GABRB1: variants seen among roughly 807,000 people sequenced by gnomAD.
GABRB1 encodes gamma-aminobutyric acid receptor subunit beta-1.
A neutral mutation model predicts 51.6 loss-of-function variants in GABRB1; 17 were observed. That is an observed-to-expected ratio of 0.33 (90% CI 0.23 to 0.49). GABRB1 has a LOEUF of 0.49. GABRB1 is among the 20% of genes least tolerant of loss of function. The pLI is 0.99. For missense variants in GABRB1, 410 were observed against 600.6 expected (o/e 0.68, Z 3.32); for synonymous variants, 247 against 218.9 (o/e 1.13, Z -1.14).
chr4:47,204,027 A>G (rs961496315), intron 4 of GABRB1, among the ~76,000 whole-genome samples: 2 of 152,214 alleles, frequency 1.3e-5, no homozygotes, highest in East Asian at 3.9e-4. Flanking sequence ...CTGAAATTAC[A>G]GTTGCAGAAG....
chr4:47,174,048 T>G (rs1281187415), intron 4 of GABRB1, among the ~76,000 whole-genome samples: 1 of 151,788 alleles, frequency 6.6e-6, no homozygotes, highest in Non-Finnish European at 1.5e-5. Context: ...CCCTTTTTTG[T>G]TTTTTTTGTT....
chr4:47,302,376 GA>G (rs536264248), intron 4 of GABRB1, among the ~76,000 whole-genome samples: 144 of 151,890 alleles, frequency 9.5e-4, no homozygotes, highest in African/African-American at 3.3e-3. Flanking sequence ...ATTTTTATTA[GA>G]AAAACCTTCT....
intron 4 of GABRB1, among the ~76,000 whole-genome samples, chr4:47,242,050 C>T (rs894618920): frequency 3.3e-5 from 5 of 151,768 alleles, no homozygotes; most frequent in African/African-American, 7.3e-5. Flanking sequence ...ACCCACCCCA[C>T]GACAGGCCCC....
intron 4 of GABRB1, among the ~76,000 whole-genome samples, chr4:47,236,734 CCTGGT>C (rs1721347472): frequency 6.6e-6 from 1 of 152,106 alleles, no homozygotes; most frequent in Non-Finnish European, 1.5e-5. Context: ...AATGTTCAAT[CCTGGT>C]GAGCCCATGC....
intron 1 of GABRB1, among the ~76,000 whole-genome samples, chr4:47,013,233 G>T (rs1403089872): frequency 6.6e-6 from 1 of 151,820 alleles, no homozygotes; most frequent in Non-Finnish European, 1.5e-5. Flanking sequence ...AATAATTTGT[G>T]TTCCCATCTC....
intron 4 of GABRB1, among the ~76,000 whole-genome samples, chr4:47,171,496 TCAAATTTAGTATTTTAGTACCACTTCCA>T (rs1560569855): frequency 6.6e-6 from 1 of 152,150 alleles, no homozygotes; most frequent in Non-Finnish European, 1.5e-5. Flanking sequence ...AACCGTCATT[TCAAATTTAGTATTTTAGTACCACTTCCA>T]TGATTTTTGC....
At chr4:47,356,893 A>T (rs111489619) in intron 5 of GABRB1, among the ~76,000 whole-genome samples, 1,616 of 152,266 alleles carry the variant, frequency 0.011, 11 homozygotes, top group Non-Finnish European at 0.015. Context: ...TAGGTCCTAT[A>T]TGTCAGTCTC....
intron 4 of GABRB1, among the ~76,000 whole-genome samples, chr4:47,216,573 G>A (rs962815984): frequency 5.3e-5 from 8 of 151,814 alleles, no homozygotes; most frequent in African/African-American, 1.9e-4. Flanking sequence ...GTTCAGATTA[G>A]TATATAGGTC....
intron 4 of GABRB1, among the ~76,000 whole-genome samples, chr4:47,199,856 GA>G (rs1224954029): frequency 1.3e-4 from 19 of 151,810 alleles, no homozygotes; most frequent in Admixed American, 1.2e-3. Context: ...TCTAGACAGA[GA>G]AAAAAAATGT....
At chr4:47,355,500 G>A (rs894948783) in intron 5 of GABRB1, among the ~76,000 whole-genome samples, 1 of 152,240 alleles carries the variant, frequency 6.6e-6, no homozygotes, top group African/African-American at 2.4e-5. Context: ...TAGAAAGAAT[G>A]TGAAGGTGGG....
chr4:47,213,834 G>GT lies in GABRB1; in HGVS notation c.461+52378dup, dbSNP rs750792064. ...TTAACAAAATTTCTTTTCTGAAACA[G>GT]TTTTTTTTTTTTTCTGTTCAGGAAG... On this transcript the variant is annotated intron_variant, in intron 4 of 8. Coordinates refer to ENST00000295454, the MANE Select transcript of GABRB1 (RefSeq NM_000812.4). Among the ~76,000 whole-genome samples the GT allele has an allele frequency of 3.5e-3, 504 of 144,224 alleles. 3 individuals are homozygous for GT. Among genetic ancestry groups the GT allele is most frequent in the Middle Eastern group, 7.4e-3 (2 of 270 alleles). The allele number at this position is 144,224 out of a possible 152,430, so 94.6% of individuals were successfully genotyped here.
At chr4:47,104,822 G>C (rs952601832) in intron 3 of GABRB1, among the ~76,000 whole-genome samples, 2 of 151,920 alleles carry the variant, frequency 1.3e-5, no homozygotes, top group African/African-American at 2.4e-5. Context: ...AAATGACTTA[G>C]CTGAGTATGA....
chr4:47,255,556 C>T (rs766241032), intron 4 of GABRB1, among the ~76,000 whole-genome samples: 1 of 152,162 alleles, frequency 6.6e-6, no homozygotes, highest in African/African-American at 2.4e-5. Context: ...ATACTGGAGT[C>T]TTTGATGCCT....
At chr4:47,133,936 T>A (rs1716527239) in intron 3 of GABRB1, among the ~76,000 whole-genome samples, 2 of 152,330 alleles carry the variant, frequency 1.3e-5, no homozygotes, top group Admixed American at 6.5e-5. Flanking sequence ...CTAGCTTTAG[T>A]TTGGAAATCT....
intron 4 of GABRB1, among the ~76,000 whole-genome samples, chr4:47,253,657 A>G (rs1364834448): frequency 1.3e-5 from 2 of 152,214 alleles, no homozygotes; most frequent in Non-Finnish European, 2.9e-5. Flanking sequence ...GATTGGCTCC[A>G]TTACTCTTGC....
intron 4 of GABRB1, among the ~76,000 whole-genome samples, chr4:47,295,959 T>G (rs949093314): frequency 2.6e-5 from 4 of 152,160 alleles, no homozygotes; most frequent in Non-Finnish European, 4.4e-5. Context: ...ATATTCAACA[T>G]TCTTAAAGAA....
intron 4 of GABRB1, among the ~76,000 whole-genome samples, chr4:47,303,817 AC>A (rs1285768789): frequency 6.6e-6 from 1 of 151,930 alleles, no homozygotes. Flanking sequence ...TCTCTCTAAT[AC>A]CCTTTCCCCA....
chr4:47,195,378 T>C, intron 4 of GABRB1, among the ~76,000 whole-genome samples: 1 of 48,066 alleles, frequency 2.1e-5, no homozygotes, highest in South Asian at 1.1e-3. Context: ...AATAAATAAA[T>C]AGATAGATAG....
chr4:47,035,198 G>C (rs1725496304), intron 3 of GABRB1, among the ~76,000 whole-genome samples: 5 of 152,052 alleles, frequency 3.3e-5, no homozygotes, highest in Admixed American at 3.3e-4. Flanking sequence ...GCTTCCCCAA[G>C]TAAAATATAA....
Sources: gnomAD v4.1 joint callset for allele counts (sites outside exome capture counted in the v4.1 genomes callset) on GRCh38, gnomAD v4.1.1 for gene constraint, MANE v1.5 for transcripts, NCBI Gene and HGNC (gene_info 2026-07-23, HGNC 2026-07-21) for gene names.